The following STK36 variants were observed in gnomAD, a reference collection of about 807,000 sequenced individuals.
The protein encoded by STK36 is serine/threonine-protein kinase 36.
In STK36, 116 loss-of-function variants were observed where a neutral mutation model predicts 142.2. The observed-to-expected ratio is 0.82, with a 90% CI of 0.70 to 0.95. The LOEUF (loss-of-function observed/expected upper bound fraction) is 0.95, where lower values mean the gene tolerates loss of function less well. Ranked by LOEUF, STK36 falls within the 40% of genes least tolerant of loss-of-function variation. The pLI is 0.00. For missense variants in STK36, 1,422 were observed against 1,617.2 expected (o/e 0.88, Z 2.07); for synonymous variants, 619 against 641.7 (o/e 0.96, Z 0.53).
chr2:218,693,981 T>C lies in STK36; in HGVS notation c.2334T>C (p.Cys778=). ...TCTTTCGGCTCCAAAACCTGCCTTG[T>C]GGGTAAGTCATAAAGTAGGGTGTCT... The part of the protein sequence containing the change: ...LLVFRLQNLP[C]GMEKLGSDVA... The change falls in exon 19 of 27, where the codon TGT becomes TGC. Residue 778 remains cysteine, a splice_region_variant and synonymous_variant. Transcript: ENST00000295709. 5 of 1,614,192 alleles carry C rather than the reference T, an allele frequency of 3.1e-6. No individual in the cohort carries two copies. Among genetic ancestry groups the C allele is most frequent in the Non-Finnish European group, 4.2e-6 (5 of 1,180,024 alleles).
chr2:218,692,827 C>G, intron 16 of STK36, 117 bp downstream of exon 16: 3 of 1,362,740 alleles, frequency 2.2e-6, no homozygotes, highest in South Asian at 3.0e-5. Context: ...TTAGTACTTC[C>G]AGAAACAGAT....
chr2:218,672,293 GC>G (rs1940014485), intron 1 of STK36, 78 bp downstream of exon 1: 1 of 454,278 alleles, frequency 2.2e-6, no homozygotes, highest in Non-Finnish European at 4.0e-6. Flanking sequence ...TATGCAGGCA[GC>G]CAGAAGAGAT....
intron 11 of STK36, 55 bp from the exon 12 acceptor site, chr2:218,688,639 TCTC>T: frequency 6.4e-7 from 1 of 1,568,622 alleles, no homozygotes; most frequent in Non-Finnish European, 8.6e-7. Flanking sequence ...TATGTGTAGT[TCTC>T]CTTCTTTTAC....
chr2:218,677,452 T>C (rs1940308310), intron 6 of STK36, among the ~76,000 whole-genome samples: 1 of 152,110 alleles, frequency 6.6e-6, no homozygotes, highest in Non-Finnish European at 1.5e-5. Flanking sequence ...TACTGCAGGG[T>C]CTTAATTCTG....
At chr2:218,683,338 G>A (rs1165088050) in intron 10 of STK36, among the ~76,000 whole-genome samples, 4 of 150,418 alleles carry the variant, frequency 2.7e-5, no homozygotes, top group South Asian at 2.1e-4. Flanking sequence ...GCAGTGGCAC[G>A]ATCTTGGCTC....
intron 5 of STK36, 78 bp from the exon 6 acceptor site, chr2:218,675,951 A>G (rs773614285): frequency 4.5e-6 from 7 of 1,565,340 alleles, no homozygotes; most frequent in African/African-American, 4.1e-5. Context: ...CCGGTTTGGG[A>G]TATCTCTATG....
At chr2:218,699,437 C>T (rs920056264) in intron 26 of STK36, 89 bp downstream of exon 26, 11 of 1,517,118 alleles carry the variant, frequency 7.3e-6, no homozygotes, top group African/African-American at 2.8e-5. Context: ...GAATTGGAAT[C>T]GGGACATGGA....
At chr2:218,690,699 G>C in intron 14 of STK36, 144 bp downstream of exon 14, 1 of 670,270 alleles carries the variant, frequency 1.5e-6, no homozygotes, top group East Asian at 2.8e-5. Flanking sequence ...TGCCATGTGA[G>C]TAAGAAAAAG....
At chr2:218,683,576 TTTTA>T (rs921723236) in intron 10 of STK36, among the ~76,000 whole-genome samples, 9 of 152,134 alleles carry the variant, frequency 5.9e-5, no homozygotes, top group African/African-American at 1.9e-4. Context: ...CCAGGCCTAT[TTTTA>T]TTTATTTATT....
chr2:218,679,363 C>T (rs935474807), intron 7 of STK36, 102 bp downstream of exon 7: 2 of 1,333,914 alleles, frequency 1.5e-6, no homozygotes, highest in African/African-American at 2.9e-5. Context: ...TGTCGTCTTT[C>T]CTCCAGCAGC....
chr2:218,697,265 G>C, intron 23 of STK36, 52 bp downstream of exon 23: 1 of 1,572,172 alleles, frequency 6.4e-7, no homozygotes, highest in Non-Finnish European at 8.6e-7. Context: ...CTCTTCAAGA[G>C]GAGGCAGCCC....
At position 218,698,698 on chromosome 2, in the gene STK36, G is replaced by C; in HGVS notation, c.3154G>C (p.Val1052Leu). The change falls in exon 26 of 27, where the codon GTG (valine) becomes CTG (leucine). Residue 1052 changes from valine to leucine, a missense_variant. Coordinates refer to ENST00000295709, the MANE Select transcript of STK36 (RefSeq NM_015690.5). ...GGATCCCACCTCTCTCAACCAGTTT[G>C]TGAACACAGTGTCTGCCTCCCCTAG... is the stretch of plus-strand genomic sequence containing the variant. ...LMDPTSLNQF[V>L]NTVSASPRTI... 1 of 1,614,146 alleles carries C rather than the reference G, an allele frequency of 6.2e-7. No individual in the cohort carries two copies. Among genetic ancestry groups the C allele is most frequent in the Non-Finnish European group, 8.5e-7 (1 of 1,180,042 alleles).
chr2:218,691,996 A>T (rs1021688475), intron 14 of STK36, 147 bp from the exon 15 acceptor site: 14 of 946,714 alleles, frequency 1.5e-5, no homozygotes, highest in Non-Finnish European at 2.0e-5. Flanking sequence ...GTTCTAATGC[A>T]TTTTTGGTGT....
Position 218,685,106 on chromosome 2 carries a change from T to C in STK36, c.1258T>C (p.Trp420Arg). 6.2e-7 allele frequency: 1 copy of C among 1,614,028 alleles called. No individual in the cohort carries two copies. The highest frequency in any genetic ancestry group is 8.5e-7 in the Non-Finnish European group (1 of 1,179,996). Residue 420 changes from tryptophan (W) to arginine (R), a missense_variant, in exon 11 of 27, where the codon TGG becomes CGG. Physicochemically the swap from Trp to Arg is moderately radical, Grantham distance 101. This residue lies in a region of STK36 where 962 missense variants were observed against 1,167.5 expected (regional missense o/e 0.82). Transcript: ENST00000295709. ...ENEEPDSDNE[W>R]QHLLETTEPV... is the part of the protein sequence containing the mutation. The stretch of plus-strand genomic sequence containing the variant: ...TCAGGAGCCAGACAGTGACAATGAG[T>C]GGCAGCACCTGCTAGAGACCACTGA...
At chr2:218,685,034 A>G (rs761914715) in intron 10 of STK36, 51 bp from the exon 11 acceptor site, 61 of 1,609,576 alleles carry the variant, frequency 3.8e-5, no homozygotes, top group Non-Finnish European at 4.8e-5. Flanking sequence ...GGGATCTACT[A>G]CCTTAGACTT....
At chr2:218,689,246 A>T (rs996812191) in intron 12 of STK36, among the ~76,000 whole-genome samples, 1 of 152,204 alleles carries the variant, frequency 6.6e-6, no homozygotes, top group Non-Finnish European at 1.5e-5. Flanking sequence ...AGAAACCCAA[A>T]TTTTTATGTG....
At position 218,673,720 on chromosome 2, in the gene STK36, T is replaced by C; in HGVS notation, c.180T>C (p.His60=). ...TTGAAATAATGCGGGGTCTGCGGCA[T>C]CCCAACATTGTGCATATGCTTGACA... ...REIEIMRGLR[H]PNIVHMLDSF... is the part of the protein sequence containing the mutation. The change falls in exon 3 of 27, where the codon CAT becomes CAC. Residue 60 remains histidine (H), a synonymous_variant. Coordinates refer to ENST00000295709, the MANE Select transcript of STK36 (RefSeq NM_015690.5). 1 of 1,614,192 alleles carries C rather than the reference T, an allele frequency of 6.2e-7. No individual in the cohort carries two copies.
intron 26 of STK36, 91 bp from the exon 27 acceptor site, chr2:218,701,774 TC>T (rs1941448822): frequency 1.4e-6 from 2 of 1,467,270 alleles, no homozygotes; most frequent in East Asian, 4.7e-5. Flanking sequence ...GAGTGGGAAT[TC>T]CTGGGTAAAT....
rs534802907 is a variant in STK36, at chr2:218,679,166, A to G, written c.685-2A>G. 1.1e-5 allele frequency: 18 copies of G among 1,613,932 alleles called. No individual in the cohort carries two copies. In the South Asian group the frequency reaches 1.9e-4, roughly 17 times the overall value. On this transcript the variant is annotated splice_acceptor_variant, in intron 6 of 26. Coordinates refer to ENST00000295709, the MANE Select transcript of STK36 (RefSeq NM_015690.5). LOFTEE classifies it high-confidence loss of function. ...CTGATGGAATATTTTTTCTCTCTGTAGAACTTCCTGCAGGGACTGCTCACC... is the reference window on the plus strand; with the variant it reads ...CTGATGGAATATTTTTTCTCTCTGTGGAACTTCCTGCAGGGACTGCTCACC...
Sources: gnomAD v4.1 joint callset for allele counts (sites outside exome capture counted in the v4.1 genomes callset) on GRCh38, gnomAD v4.1.1 for gene constraint, gnomAD v4.1.1 regional missense constraint, MANE v1.5 for transcripts, NCBI Gene and HGNC (gene_info 2026-07-23, HGNC 2026-07-21) for gene names.